Variants in ATAD2B observed in about 807,000 individuals in gnomAD.
ATAD2B encodes ATPase family AAA domain-containing protein 2B.
Under a neutral mutation model 167.6 loss-of-function variants are expected in ATAD2B, and 40 were observed. The observed-to-expected ratio is 0.24, with a 90% CI of 0.19 to 0.31. The LOEUF (loss-of-function observed/expected upper bound fraction) is 0.31. ATAD2B is among the 10% of genes least tolerant of loss of function. The pLI is 1.00. For missense variants in ATAD2B, 1,242 were observed against 1,757.2 expected (o/e 0.71, Z 5.24); for synonymous variants, 579 against 596.5 (o/e 0.97, Z 0.43).
At chr2:23,823,171 A>C in intron 16 of ATAD2B, 87 bp downstream of exon 16, 1 of 1,149,086 alleles carries the variant, frequency 8.7e-7, no homozygotes, top group Non-Finnish European at 1.2e-6. Flanking sequence ...TACAAAAGTG[A>C]CACATAAATA....
At chr2:23,913,786 CAT>C (rs1702638258) in intron 1 of ATAD2B, among the ~76,000 whole-genome samples, 1 of 152,080 alleles carries the variant, frequency 6.6e-6, no homozygotes. Flanking sequence ...GATATTAAGA[CAT>C]AACTCAAAAC....
rs529547524 is a variant in ATAD2B, at chr2:23,926,358, C to T, written c.216+197G>A. 2.0e-5 allele frequency among the ~76,000 whole-genome samples: 3 copies of T among 152,308 alleles called. No individual in the cohort carries two copies. The East Asian group carries it at 5.8e-4, about 29-fold the overall frequency. On this transcript the variant is annotated intron_variant, in intron 1 of 27. Transcript: ENST00000238789. The stretch of plus-strand genomic sequence containing the variant: ...AGGGCTGTTCTTCACACAAAAGAGC[C>T]GGGCCAGCTTGAAAAGCAAAGGGGC...
At chr2:23,730,665 C>CAAAAAAAA in the ATAD2B span, among the ~76,000 whole-genome samples, 1 of 31,982 alleles carries the variant, frequency 3.1e-5, no homozygotes, top group African/African-American at 1.1e-4. Flanking sequence ...GACTCCGTTT[C>CAAAAAAAA]AAAAAAAAAA....
chr2:23,702,936 C>G, the ATAD2B span, among the ~76,000 whole-genome samples: 1 of 151,134 alleles, frequency 6.6e-6, no homozygotes, highest in Non-Finnish European at 1.5e-5. Context: ...GACAGGAATT[C>G]TGCACAGACG....
the ATAD2B span, among the ~76,000 whole-genome samples, chr2:23,679,946 G>A: frequency 6.6e-6 from 1 of 152,208 alleles, no homozygotes; most frequent in Admixed American, 6.5e-5. Context: ...GGGGTGCAAG[G>A]AGGCTTCGCT....
At chr2:23,876,017 CAG>C in intron 7 of ATAD2B, 113 bp from the exon 8 acceptor site, 3 of 796,114 alleles carry the variant, frequency 3.8e-6, no homozygotes, top group Admixed American at 2.4e-5. Flanking sequence ...TTTTTTGAGA[CAG>C]AGTCTTGCTC....
chr2:23,880,055 T>C (rs1434394359), intron 7 of ATAD2B, among the ~76,000 whole-genome samples: 1 of 129,968 alleles, frequency 7.7e-6, no homozygotes, highest in Non-Finnish European at 1.7e-5. Flanking sequence ...ACTCTGTTTT[T>C]AAAAAAAAAA....
chr2:23,829,986 T>C (rs370456045), intron 14 of ATAD2B, among the ~76,000 whole-genome samples: 2 of 117,108 alleles, frequency 1.7e-5, no homozygotes, highest in African/African-American at 5.5e-5. Context: ...TTTTCTAAAA[T>C]AGTTTTTTTT....
rs1321795446 is a variant in ATAD2B at position 23,750,930 on chromosome 2, AC to A, written c.*1115del. 3 of 152,138 alleles carry A rather than the reference AC, an allele frequency of 2.0e-5. No homozygotes were observed. Among genetic ancestry groups the A allele is most frequent in the Non-Finnish European group, 2.9e-5 (2 of 67,996 alleles). The allele number at this position is 152,138 out of a possible 1,614,324, so 9.4% of individuals were successfully genotyped here. ...ATTAATACTGTTATTCAAGGACCAT[AC>A]CAGAGCTCGTTTGCAATTAAGCATA... is the stretch of plus-strand genomic sequence containing the variant. On this transcript the variant is annotated 3_prime_UTR_variant, in exon 28 of 28. Transcript: ENST00000238789.
intron 12 of ATAD2B, among the ~76,000 whole-genome samples, chr2:23,861,591 A>T (rs1193393565): frequency 1.3e-5 from 2 of 152,064 alleles, no homozygotes; most frequent in Non-Finnish European, 2.9e-5. Flanking sequence ...ATAAATTTAG[A>T]CAAAAGGAGT....
rs997326489 is a variant in ATAD2B, at chr2:23,829,075, A to T, written c.1729-136T>A. 6 of 609,354 alleles carry T rather than the reference A, an allele frequency of 9.8e-6. No homozygotes were observed. In the East Asian group the frequency reaches 1.4e-4, roughly 15 times the overall value. The allele number at this position is 609,354 out of a possible 1,614,324, so 37.7% of individuals were successfully genotyped here. A position where few individuals can be genotyped will look rare whatever the true frequency, so the allele number is the denominator to read the frequency against. ...CATTAAAATTTTTATTTTAAAAAAA[A>T]TTTAAACACCTTAGCATCTGTCTAC... On this transcript the variant is annotated intron_variant, in intron 14 of 27. Transcript: ENST00000238789.
At chr2:23,855,831 G>C (rs1185443377) in intron 13 of ATAD2B, among the ~76,000 whole-genome samples, 2 of 152,182 alleles carry the variant, frequency 1.3e-5, no homozygotes, top group Admixed American at 1.3e-4. Context: ...TGAGGTTACA[G>C]TGAGCTATGA....
rs1675078459 is a variant in ATAD2B at position 23,748,946 on chromosome 2, G to GTA, written c.*3099_*3100insTA. ...ACCAGATGTACAGAATACAAAAGAT[G>GTA]CAGGTACAAGCCCAAATTCAAGCTT... On this transcript the variant is annotated 3_prime_UTR_variant, in exon 28 of 28. Transcript: ENST00000238789. 6.6e-6 allele frequency: 1 copy of GTA among 152,000 alleles called. No homozygotes were observed. Among genetic ancestry groups the GTA allele is most frequent in the African/African-American group, 2.4e-5 (1 of 41,380 alleles). 9.4% of individuals were successfully genotyped at this position (152,000 alleles called of 1,614,324 possible). A position where few individuals can be genotyped will look rare whatever the true frequency, so the allele number is the denominator to read the frequency against.
At chr2:23,738,634 G>C in the ATAD2B span, among the ~76,000 whole-genome samples, 1 of 152,184 alleles carries the variant, frequency 6.6e-6, no homozygotes, top group African/African-American at 2.4e-5. Flanking sequence ...GGAAGAAACT[G>C]CATCAACTAA....
At chr2:23,815,849 A>AT (rs1446719597) in intron 17 of ATAD2B, among the ~76,000 whole-genome samples, 1 of 152,080 alleles carries the variant, frequency 6.6e-6, no homozygotes, top group South Asian at 2.1e-4. Flanking sequence ...TATCTTCTAC[A>AT]TTTTTTCCCC....
At chr2:23,683,797 C>T in the ATAD2B span, among the ~76,000 whole-genome samples, 3 of 152,080 alleles carry the variant, frequency 2.0e-5, no homozygotes, top group Non-Finnish European at 2.9e-5. Context: ...CTTGCTTTCC[C>T]GAAAAGTCCC....
At chr2:23,691,560 T>C in the ATAD2B span, 4 of 805,194 alleles carry the variant, frequency 5.0e-6, no homozygotes, top group African/African-American at 1.7e-5. Context: ...GCCGTGTCCT[T>C]TGAGCCCTAA....
At chr2:23,864,389 G>GTT (rs1694856597) in intron 11 of ATAD2B, among the ~76,000 whole-genome samples, 2 of 151,964 alleles carry the variant, frequency 1.3e-5, no homozygotes, top group Admixed American at 1.3e-4. Flanking sequence ...TCATGATCAG[G>GTT]CACAATCTGT....
At chr2:23,913,531 T>C (rs1702590417) in intron 1 of ATAD2B, among the ~76,000 whole-genome samples, 1 of 151,742 alleles carries the variant, frequency 6.6e-6, no homozygotes, top group Non-Finnish European at 1.5e-5. Context: ...TCCCAGCTAC[T>C]TGGGAGGCTG....
Sources: allele counts gnomAD v4.1 joint callset (sites outside exome capture counted in the v4.1 genomes callset), GRCh38; gene constraint gnomAD v4.1.1; transcripts MANE v1.5; gene names NCBI Gene and HGNC (gene_info 2026-07-23, HGNC 2026-07-21).